The following LIMD1 variants were observed in gnomAD, a reference collection of about 807,000 sequenced individuals.
The protein encoded by LIMD1 is LIM domain containing 1.
Under a neutral mutation model 58.4 loss-of-function variants are expected in LIMD1, and 23 were observed. The ratio of observed to expected loss-of-function variants is 0.39; its 90% CI spans 0.28 to 0.56. The LOEUF (loss-of-function observed/expected upper bound fraction) is 0.56. Among genes scored for constraint, LIMD1 ranks in the 20% least tolerant of loss-of-function variants. The probability of loss-of-function intolerance (pLI) is 0.57; values close to 1 mark genes in which losing one functional copy is unlikely to be tolerated. For missense variants in LIMD1, 838 were observed against 855.5 expected, an observed-to-expected ratio of 0.98 and a Z score of 0.25; for synonymous variants, 334 against 345.5, an observed-to-expected ratio of 0.97 and a Z score of 0.37.
In LIMD1 at chr3:45,595,878, C is replaced by T. The variant is rs61731460; in HGVS notation, c.999C>T (p.Pro333=). Reference sequence around the variant, plus strand: ...TGATGTCCAAACCCAATGTGGACCCCCAACCCTGGTTCCAGGATGGGCCCA... The same window carrying T: ...TGATGTCCAAACCCAATGTGGACCCTCAACCCTGGTTCCAGGATGGGCCCA... The part of the protein sequence containing the change: ...SGVMSKPNVD[P]QPWFQDGPKS... The change falls in exon 1 of 8, where the codon CCC becomes CCT. Residue 333 remains proline (P), a synonymous_variant. Coordinates refer to ENST00000273317, the MANE Select transcript of LIMD1 (RefSeq NM_014240.3). The T allele has an allele frequency of 3.6e-3, 5,863 of 1,614,216 alleles. 197 individuals are homozygous for T. In the African/African-American group the frequency reaches 0.07, roughly 19 times the overall value.
intron 2 of LIMD1, among the ~76,000 whole-genome samples, chr3:45,659,423 C>A (rs1697396073): frequency 6.6e-6 from 1 of 151,968 alleles, no homozygotes; most frequent in Admixed American, 6.6e-5. Flanking sequence ...ACTGTCTCTA[C>A]AAAAAAATAC....
intron 4 of LIMD1, among the ~76,000 whole-genome samples, chr3:45,671,499 ATGT>A (rs1197414582): frequency 1.3e-5 from 2 of 152,166 alleles, no homozygotes; most frequent in Non-Finnish European, 2.9e-5. Context: ...GACCTTGCTC[ATGT>A]TGATTCTGTA....
chr3:45,670,605 G>T (rs1258982272), intron 4 of LIMD1, among the ~76,000 whole-genome samples: 1 of 152,206 alleles, frequency 6.6e-6, no homozygotes, highest in Non-Finnish European at 1.5e-5. Context: ...CTTACAGCAA[G>T]AGATAGGAAG....
intron 2 of LIMD1, among the ~76,000 whole-genome samples, chr3:45,648,402 G>A (rs1447440226): frequency 1.3e-5 from 2 of 152,178 alleles, no homozygotes; most frequent in Non-Finnish European, 1.5e-5. Flanking sequence ...CATCCACGTT[G>A]TAGTATGAAT....
At chr3:45,607,812 C>T (rs1166715402) in intron 1 of LIMD1, among the ~76,000 whole-genome samples, 1 of 152,222 alleles carries the variant, frequency 6.6e-6, no homozygotes, top group East Asian at 1.9e-4. Context: ...GAAACCCCTT[C>T]TGACAATAAC....
At chr3:45,649,113 G>C (rs543711554) in intron 2 of LIMD1, among the ~76,000 whole-genome samples, 7 of 152,038 alleles carry the variant, frequency 4.6e-5, no homozygotes, top group Admixed American at 2.6e-4. Context: ...GAAAACATTG[G>C]CTGACCCAAG....
chr3:45,675,350 C>T (rs777646883), intron 7 of LIMD1, among the ~76,000 whole-genome samples: 1 of 151,994 alleles, frequency 6.6e-6, no homozygotes, highest in Non-Finnish European at 1.5e-5. Flanking sequence ...GCCAACATGG[C>T]AAAAACCCAT....
chr3:45,620,888 G>A (rs1308819543), intron 1 of LIMD1, among the ~76,000 whole-genome samples: 1 of 152,174 alleles, frequency 6.6e-6, no homozygotes, highest in East Asian at 1.9e-4. Context: ...TTAACTAAGT[G>A]ATCAAGTTAA....
At chr3:45,622,860 G>T (rs985553854) in intron 1 of LIMD1, among the ~76,000 whole-genome samples, 17 of 152,018 alleles carry the variant, frequency 1.1e-4, no homozygotes, top group African/African-American at 3.9e-4. Flanking sequence ...TAGAGACAGG[G>T]TTTCACCATG....
chr3:45,636,418 C>T (rs1701790185), intron 2 of LIMD1, among the ~76,000 whole-genome samples, 167 bp downstream of exon 2: 1 of 152,200 alleles, frequency 6.6e-6, no homozygotes, highest in Non-Finnish European at 1.5e-5. Context: ...TTACCACCAA[C>T]AGAAGCCCAT....
intron 1 of LIMD1, among the ~76,000 whole-genome samples, chr3:45,632,075 A>G (rs139710588): frequency 1.1e-4 from 16 of 152,254 alleles, no homozygotes; most frequent in Middle Eastern, 3.4e-3. Flanking sequence ...AGGCCACAGC[A>G]TTTGGGAGTG....
At chr3:45,607,483 C>A (rs1361042100) in intron 1 of LIMD1, among the ~76,000 whole-genome samples, 1 of 152,102 alleles carries the variant, frequency 6.6e-6, no homozygotes, top group Non-Finnish European at 1.5e-5. Flanking sequence ...CTCCCGGTTA[C>A]TGAAAGCTGG....
intron 7 of LIMD1, among the ~76,000 whole-genome samples, chr3:45,676,364 C>T (rs1276891250): frequency 6.6e-6 from 1 of 151,020 alleles, no homozygotes; most frequent in African/African-American, 2.4e-5. Flanking sequence ...AAAAGGGATA[C>T]GTGTGAAGAT....
intron 1 of LIMD1, chr3:45,635,086 A>G (rs1402892306): frequency 6.6e-6 from 1 of 152,266 alleles, no homozygotes; most frequent in Non-Finnish European, 1.5e-5. Flanking sequence ...GAAAATACAA[A>G]AATCAGCTGG....
At chr3:45,602,098 A>G (rs553956721) in intron 1 of LIMD1, among the ~76,000 whole-genome samples, 2 of 152,010 alleles carry the variant, frequency 1.3e-5, no homozygotes, top group South Asian at 2.1e-4. Flanking sequence ...GCCCGCCACC[A>G]CGCCCAGCTA....
chr3:45,640,535 C>A (rs376251498), intron 2 of LIMD1, among the ~76,000 whole-genome samples: 1 of 152,188 alleles, frequency 6.6e-6, no homozygotes, highest in South Asian at 2.1e-4. Context: ...TCAAGCGATT[C>A]TCCTGCCTCT....
chr3:45,612,848 A>C (rs1701538633), intron 1 of LIMD1: 1 of 152,224 alleles, frequency 6.6e-6, no homozygotes. Flanking sequence ...ATTTATTTGT[A>C]ACCCCAAAAT....
chr3:45,651,122 G>T (rs544787846), intron 2 of LIMD1, among the ~76,000 whole-genome samples: 36 of 152,234 alleles, frequency 2.4e-4, no homozygotes, highest in African/African-American at 8.7e-4. Flanking sequence ...TCTGTTGGCT[G>T]CATAAATGTC....
At chr3:45,621,865 C>T (rs1701631217) in intron 1 of LIMD1, among the ~76,000 whole-genome samples, 2 of 152,110 alleles carry the variant, frequency 1.3e-5, no homozygotes, top group South Asian at 4.2e-4. Context: ...GAGATCGAGA[C>T]CATCCTGGCC....
Sources: gnomAD v4.1 joint callset for allele counts (sites outside exome capture counted in the v4.1 genomes callset) on GRCh38, gnomAD v4.1.1 for gene constraint, MANE v1.5 for transcripts, NCBI Gene and HGNC (gene_info 2026-07-23, HGNC 2026-07-21) for gene names.